RBFOX2: variants seen among roughly 807,000 people sequenced by gnomAD.
The protein encoded by RBFOX2 is RNA binding protein fox-1 homolog 2.
In RBFOX2, 10 loss-of-function variants were observed where a neutral mutation model predicts 49.1. That is an observed-to-expected ratio of 0.20 (90% confidence interval 0.13 to 0.35). RBFOX2 has a LOEUF of 0.35. RBFOX2 is among the 10% of genes least tolerant of loss of function. RBFOX2 has a pLI of 1.00. For synonymous variants in RBFOX2, 183 were observed against 187.4 expected (o/e 0.98, Z 0.19); for missense variants, 323 against 486.9 (o/e 0.66, Z 3.17).
At chr22:35,756,859 TAA>T (rs566885584) in intron 9 of RBFOX2, among the ~76,000 whole-genome samples, 1 of 147,644 alleles carries the variant, frequency 6.8e-6, no homozygotes, top group Admixed American at 6.8e-5. Context: ...GAAATGTAAT[TAA>T]AAAAAAAACA....
rs530446569 is a variant in RBFOX2, at chr22:35,969,911, T to C, written c.187-31014A>G. 3.9e-4 allele frequency among the ~76,000 whole-genome samples: 60 copies of C among 152,316 alleles called. No individual in the cohort carries two copies. In the South Asian group the frequency reaches 7.5e-3, roughly 19 times the overall value. ...AAAGCTAGCTGTGTGACACTGTGCA[T>C]GTGCAGTTTTCTCACCCGCAAATGG... On this transcript the variant is annotated intron_variant, in intron 1 of 13. Coordinates refer to the RBFOX2 transcript ENST00000438146.
rs543356215 is a variant in RBFOX2 at position 35,936,703 on chromosome 22, T to G, written c.-34+2144A>C. On this transcript the variant is annotated intron_variant, in intron 1 of 13. Transcript: ENST00000359369. ...AGGCCTGCAGCAGAGACAGCATGAGTAATGAATGTGCAGGTTACAGAAGTG... is the reference window on the plus strand; with the variant it reads ...AGGCCTGCAGCAGAGACAGCATGAGGAATGAATGTGCAGGTTACAGAAGTG... Among the ~76,000 whole-genome samples, 37 of 152,170 alleles carry G rather than the reference T, an allele frequency of 2.4e-4. 1 individual carries two copies. The South Asian group carries it at 7.7e-3, about 32-fold the overall frequency.
chr22:35,843,097 T>C (rs2040717437), upstream of RBFOX2, among the ~76,000 whole-genome samples: 1 of 152,156 alleles, frequency 6.6e-6, no homozygotes, highest in South Asian at 2.1e-4. Context: ...TAGAGGACAA[T>C]TTGCTCCCTG....
At chr22:35,943,086 T>TC (rs1164192083), upstream of RBFOX2, among the ~76,000 whole-genome samples, 1 of 152,202 alleles carries the variant, frequency 6.6e-6, no homozygotes. Flanking sequence ...CAGACTTAGG[T>TC]CTTGATTCTA....
At chr22:35,909,273 C>T (rs564210692) in intron 1 of RBFOX2, among the ~76,000 whole-genome samples, 2 of 152,056 alleles carry the variant, frequency 1.3e-5, no homozygotes, top group Non-Finnish European at 2.9e-5. Flanking sequence ...GCCTAAGCCA[C>T]ATAGCAAAAC....
intron 1 of RBFOX2, among the ~76,000 whole-genome samples, chr22:35,888,048 C>A (rs1234069829): frequency 6.6e-6 from 1 of 152,126 alleles, no homozygotes. Context: ...TACACAGAGT[C>A]CTCTCCAAAA....
chr22:36,012,369 G>C (rs1275898491), intron 1 of RBFOX2, among the ~76,000 whole-genome samples: 1 of 152,190 alleles, frequency 6.6e-6, no homozygotes, highest in African/African-American at 2.4e-5. Context: ...TGAAACATGG[G>C]AAGAATCATC....
intron 1 of RBFOX2, 130 bp from the exon 3 acceptor site, chr22:35,810,134 A>C (rs1237894352): frequency 1.2e-6 from 1 of 836,096 alleles, no homozygotes; most frequent in Non-Finnish European, 1.9e-6. Flanking sequence ...TTATTGCTCC[A>C]GGATTGGAGA....
chr22:35,969,792 A>T (rs1474521099), intron 1 of RBFOX2, among the ~76,000 whole-genome samples: 1 of 152,188 alleles, frequency 6.6e-6, no homozygotes, highest in East Asian at 1.9e-4. Context: ...TTTCTTTCTG[A>T]GAAGGGTTTG....
intron 1 of RBFOX2, 41 bp from the exon 3 acceptor site, chr22:35,810,045 C>T: frequency 1.3e-6 from 2 of 1,582,546 alleles, no homozygotes; most frequent in Non-Finnish European, 8.7e-7. Flanking sequence ...GACTTTGAAT[C>T]CTTGTTACGT....
intron 2 of RBFOX2, 106 bp downstream of exon 3, chr22:35,809,674 G>A: frequency 8.0e-7 from 1 of 1,243,554 alleles, no homozygotes; most frequent in South Asian, 1.3e-5. Flanking sequence ...GAGAACAGGT[G>A]TAAATGCTAA....
At chr22:35,786,722 A>C (rs1602761258) in intron 2 of RBFOX2, among the ~76,000 whole-genome samples, 1 of 152,220 alleles carries the variant, frequency 6.6e-6, no homozygotes, top group Non-Finnish European at 1.5e-5. Context: ...TAACTCTGTG[A>C]AACAGGTACT....
At chr22:36,018,530 G>C (rs1427445896) in intron 1 of RBFOX2, among the ~76,000 whole-genome samples, 6 of 152,176 alleles carry the variant, frequency 3.9e-5, no homozygotes, top group African/African-American at 1.4e-4. Flanking sequence ...AAGTTACGCA[G>C]AAGTCAGGCC....
At chr22:35,922,293 T>A (rs1224734974) in intron 1 of RBFOX2, among the ~76,000 whole-genome samples, 2 of 152,206 alleles carry the variant, frequency 1.3e-5, no homozygotes, top group Admixed American at 1.3e-4. Context: ...TTAAGAATAC[T>A]GATAAGGCCG....
chr22:35,912,829 T>C (rs762394066), intron 1 of RBFOX2, among the ~76,000 whole-genome samples: 2 of 152,188 alleles, frequency 1.3e-5, no homozygotes, highest in Non-Finnish European at 1.5e-5. Flanking sequence ...GAACTGAGGT[T>C]TGAAAGTGAA....
intron 5 of RBFOX2, among the ~76,000 whole-genome samples, chr22:35,766,135 T>C (rs1415669213): frequency 6.6e-6 from 1 of 152,238 alleles, no homozygotes; most frequent in African/African-American, 2.4e-5. Context: ...TATTTTGTTT[T>C]ATGGTACTCT....
chr22:35,777,762 C>T (rs1944287232), intron 4 of RBFOX2: 3 of 458,366 alleles, frequency 6.5e-6, no homozygotes, highest in Admixed American at 3.9e-5. Flanking sequence ...CTGTCATCTC[C>T]TACATCCTGT....
chr22:35,763,953 C>G (rs558255285), intron 6 of RBFOX2, among the ~76,000 whole-genome samples: 1 of 152,180 alleles, frequency 6.6e-6, no homozygotes, highest in East Asian at 1.9e-4. Context: ...CTTTCTGTCA[C>G]AATATTTCCC....
intron 1 of RBFOX2, among the ~76,000 whole-genome samples, chr22:35,947,862 G>A (rs1044475491): frequency 1.3e-5 from 2 of 151,908 alleles, no homozygotes; most frequent in East Asian, 1.9e-4. Context: ...AGTAAGCTAA[G>A]GCAAATTTGT....
Sources: gnomAD v4.1 joint callset for allele counts (sites outside exome capture counted in the v4.1 genomes callset) on GRCh38, gnomAD v4.1.1 for gene constraint, MANE v1.5 for transcripts, NCBI Gene and HGNC (gene_info 2026-07-23, HGNC 2026-07-21) for gene names.